The following WAC variants were observed in gnomAD, a reference collection of about 807,000 sequenced individuals.
WAC encodes WW domain-containing adapter protein with coiled-coil.
WAC carries 11 observed loss-of-function variants against 79.6 expected under a neutral mutation model. That is an observed-to-expected ratio of 0.14 (90% confidence interval 0.09 to 0.23). The LOEUF (loss-of-function observed/expected upper bound fraction) is 0.23. Among genes scored for constraint, WAC ranks in the 10% least tolerant of loss-of-function variants. WAC has a pLI of 1.00. For missense variants in WAC, 728 were observed against 773.5 expected (o/e 0.94, Z 0.70); for synonymous variants, 304 against 276.9 (o/e 1.10, Z -0.97).
At chr10:28,551,363 CA>C (rs1417049748) in intron 3 of WAC, among the ~76,000 whole-genome samples, 5 of 152,210 alleles carry the variant, frequency 3.3e-5, no homozygotes, top group Non-Finnish European at 7.3e-5. Context: ...GCAGCTATTA[CA>C]TGGGCATACT....
chr10:28,534,814 CTG>C (rs767512219), intron 2 of WAC, among the ~76,000 whole-genome samples: 120 of 152,324 alleles, frequency 7.9e-4, no homozygotes, highest in Non-Finnish European at 1.4e-3. Flanking sequence ...TTTGAAAACA[CTG>C]TCTTCTGATA....
chr10:28,606,420 GA>G (rs1178324747), intron 7 of WAC, among the ~76,000 whole-genome samples: 2 of 152,192 alleles, frequency 1.3e-5, no homozygotes, highest in African/African-American at 4.8e-5. Context: ...CAGTAAAGCT[GA>G]AAATAATAGG....
At chr10:28,606,592 C>T (rs1236724641) in intron 7 of WAC, among the ~76,000 whole-genome samples, 5 of 152,170 alleles carry the variant, frequency 3.3e-5, no homozygotes, top group African/African-American at 1.2e-4. Context: ...ATCCCTAGTT[C>T]TTTCGACCAT....
At chr10:28,599,095 T>C (rs925237264) in intron 7 of WAC, among the ~76,000 whole-genome samples, 6 of 151,668 alleles carry the variant, frequency 4.0e-5, no homozygotes, top group Middle Eastern at 3.4e-3. Context: ...ATATTTTTTT[T>C]CTCAACGGAG....
In WAC at chr10:28,622,929, A is replaced by G. The variant is rs1409373363; in HGVS notation, c.*3323A>G. On this transcript the variant is annotated 3_prime_UTR_variant, in exon 14 of 14. Transcript: ENST00000354911. ...GTTTGAATATACAGATTTCTTTTCAATACCTGTAAATATGGCTATATTCTT... is the reference window on the plus strand; with the variant it reads ...GTTTGAATATACAGATTTCTTTTCAGTACCTGTAAATATGGCTATATTCTT... The G allele has an allele frequency of 6.6e-6, 1 of 152,284 alleles. No homozygotes were observed. Among genetic ancestry groups the G allele is most frequent in the Admixed American group, 6.5e-5 (1 of 15,296 alleles). 9.4% of individuals were successfully genotyped at this position (152,284 alleles called of 1,614,324 possible).
intron 7 of WAC, among the ~76,000 whole-genome samples, chr10:28,605,277 A>G (rs925383832): frequency 2.0e-5 from 3 of 152,308 alleles, no homozygotes; most frequent in East Asian, 3.9e-4. Flanking sequence ...CTATTTTTGC[A>G]TAAACAGCAA....
At chr10:28,542,355 T>A (rs1837101046) in intron 3 of WAC, among the ~76,000 whole-genome samples, 1 of 152,206 alleles carries the variant, frequency 6.6e-6, no homozygotes, top group South Asian at 2.1e-4. Flanking sequence ...ACATGGGCAT[T>A]TCTGAAAGTC....
intron 7 of WAC, among the ~76,000 whole-genome samples, chr10:28,601,237 A>T (rs1316827265): frequency 6.6e-6 from 1 of 152,174 alleles, no homozygotes; most frequent in Non-Finnish European, 1.5e-5. Flanking sequence ...AACACGGTTC[A>T]TAAATGGGCA....
At chr10:28,562,028 T>TA (rs1838324210) in intron 3 of WAC, among the ~76,000 whole-genome samples, 1 of 152,132 alleles carries the variant, frequency 6.6e-6, no homozygotes, top group Non-Finnish European at 1.5e-5. Flanking sequence ...TGTGATATGC[T>TA]ACAGACAGCT....
At chr10:28,552,716 G>A (rs555702480) in intron 3 of WAC, among the ~76,000 whole-genome samples, 1 of 152,196 alleles carries the variant, frequency 6.6e-6, no homozygotes, top group South Asian at 2.1e-4. Flanking sequence ...TGCTGGTAGA[G>A]AGTATTGTTA....
intron 7 of WAC, among the ~76,000 whole-genome samples, chr10:28,603,834 T>C (rs1840758113): frequency 6.7e-6 from 1 of 150,124 alleles, no homozygotes; most frequent in Non-Finnish European, 1.5e-5. Flanking sequence ...CTCGGGAGGC[T>C]GAGGCAGGAG....
intron 11 of WAC, chr10:28,615,963 TAG>T: frequency 2.3e-6 from 1 of 440,668 alleles, no homozygotes; most frequent in Non-Finnish European, 4.0e-6. Context: ...ACTCTGACAG[TAG>T]TGTTAAAAGG....
intron 7 of WAC, among the ~76,000 whole-genome samples, chr10:28,600,272 G>A (rs760100091): frequency 8.2e-5 from 12 of 145,456 alleles, no homozygotes; most frequent in Non-Finnish European, 1.5e-4. Flanking sequence ...CAGACTAGTC[G>A]TTTTAATATG....
chr10:28,593,335 T>G (rs1589215871), intron 6 of WAC, among the ~76,000 whole-genome samples: 1 of 152,180 alleles, frequency 6.6e-6, no homozygotes, highest in Admixed American at 6.5e-5. Context: ...TGTTCTTGAC[T>G]ACCAATAAAA....
chr10:28,563,567 G>A (rs559522038), intron 3 of WAC, among the ~76,000 whole-genome samples: 4 of 151,626 alleles, frequency 2.6e-5, no homozygotes, highest in African/African-American at 4.8e-5. Context: ...AGTATACAGT[G>A]GGTTTGTTTG....
At chr10:28,579,516 G>T (rs1001089425) in intron 3 of WAC, among the ~76,000 whole-genome samples, 3 of 152,120 alleles carry the variant, frequency 2.0e-5, no homozygotes, top group Non-Finnish European at 4.4e-5. Flanking sequence ...CTTAGCCTTA[G>T]ATTCTGTATT....
chr10:28,576,216 C>T lies in WAC; in HGVS notation c.275-7183C>T, dbSNP rs142887905. Among the ~76,000 whole-genome samples, 5 of 152,206 alleles carry T rather than the reference C, an allele frequency of 3.3e-5. No individual in the cohort carries two copies. In the East Asian group the frequency reaches 5.8e-4, roughly 18 times the overall value. On this transcript the variant is annotated intron_variant, in intron 3 of 13. Transcript: ENST00000354911. ...AATATATACATAATAACATATACTGCCTGCAGATAGAAATAATGTTACGTG... is the reference window on the plus strand; with the variant it reads ...AATATATACATAATAACATATACTGTCTGCAGATAGAAATAATGTTACGTG...
rs1387038976 is a variant in WAC at position 28,589,624 on chromosome 10, A to G, written c.382-112A>G. The G allele has an allele frequency of 6.6e-6, 4 of 603,288 alleles. No individual in the cohort carries two copies. The African/African-American group carries it at 7.6e-5, about 12-fold the overall frequency. The allele number at this position is 603,288 out of a possible 1,614,324, so 37.4% of individuals were successfully genotyped here. On this transcript the variant is annotated intron_variant, in intron 4 of 13. Transcript: ENST00000354911. The stretch of plus-strand genomic sequence containing the variant: ...TACACAGATAATTGCATTCTAGTTC[A>G]GAGTACCTTTATCTCATAAGTGTTT...
At chr10:28,540,411 C>T (rs189754877) in intron 3 of WAC, among the ~76,000 whole-genome samples, 6 of 152,270 alleles carry the variant, frequency 3.9e-5, no homozygotes, top group African/African-American at 1.4e-4. Flanking sequence ...TTTTATCCTG[C>T]TAATATCTTC....
Sources: allele counts gnomAD v4.1 joint callset (sites outside exome capture counted in the v4.1 genomes callset), GRCh38; gene constraint gnomAD v4.1.1; transcripts MANE v1.5; gene names NCBI Gene and HGNC (gene_info 2026-07-23, HGNC 2026-07-21).